Variants in USP6 observed in about 807,000 individuals in gnomAD.
USP6 encodes the protein ubiquitin carboxyl-terminal hydrolase 6.
A neutral mutation model predicts 175.7 loss-of-function variants in USP6; 128 were observed. That is an observed-to-expected ratio of 0.73 (90% CI 0.63 to 0.84). USP6 has a LOEUF of 0.84. Ranked by LOEUF, USP6 falls within the 40% of genes least tolerant of loss-of-function variation. The pLI is 0.00. For synonymous variants in USP6, 562 were observed against 630.6 expected (o/e 0.89, Z 1.63); for missense variants, 1,498 against 1,760.3 (o/e 0.85, Z 2.67).
chr17:5,162,571 T>C (rs1052485144), intron 32 of USP6, among the ~76,000 whole-genome samples: 4 of 152,238 alleles, frequency 2.6e-5, no homozygotes, highest in Admixed American at 1.3e-4. Flanking sequence ...TCTTGCATGC[T>C]GTAGTATCTC....
At chr17:5,119,046 G>T (rs1181428288) in intron 2 of USP6, among the ~76,000 whole-genome samples, 1 of 152,140 alleles carries the variant, frequency 6.6e-6, no homozygotes, top group Admixed American at 6.5e-5. Context: ...TTTCACTGGG[G>T]GCCTGCCACA....
rs544037027 is a variant in USP6, at chr17:5,139,783, C to T, written c.1498+109C>T. On this transcript the variant is annotated intron_variant, in intron 22 of 37. Transcript: ENST00000574788. ...GGGATACCTCCTTTGCAGCTAGGGA[C>T]GAGCAGCAGTGCGCTCCCACTTCAG... is the stretch of plus-strand genomic sequence containing the variant. The T allele has an allele frequency of 4.8e-4, 767 of 1,595,376 alleles. 4 individuals carry two copies. The highest frequency in any genetic ancestry group is 1.7e-4 in the African/African-American group (13 of 74,906).
intron 36 of USP6, 149 bp downstream of exon 36, chr17:5,171,064 A>C: frequency 2.8e-6 from 3 of 1,063,508 alleles, no homozygotes; most frequent in Non-Finnish European, 4.1e-6. Flanking sequence ...ATCTGGGCTC[A>C]CAGATGTGGT....
intron 6 of USP6, among the ~76,000 whole-genome samples, chr17:5,127,266 G>T (rs1428290851): frequency 6.6e-6 from 1 of 152,176 alleles, no homozygotes; most frequent in African/African-American, 2.4e-5. Flanking sequence ...CCCCTCTGCA[G>T]GCTGACAAAC....
At chr17:5,135,183 C>G in intron 15 of USP6, 51 bp from the exon 16 acceptor site, 2 of 1,590,954 alleles carry the variant, frequency 1.3e-6, no homozygotes, top group Non-Finnish European at 1.7e-6. Flanking sequence ...CAAAGTGAAA[C>G]TAACAGCATC....
At chr17:5,137,786 C>A in intron 20 of USP6, 36 bp downstream of exon 20, 1 of 1,603,860 alleles carries the variant, frequency 6.2e-7, no homozygotes, top group Non-Finnish European at 8.5e-7. Context: ...CCTGGGGAGC[C>A]CTGCAGTCAG....
At chr17:5,165,646 C>G (rs1223196313) in intron 33 of USP6, among the ~76,000 whole-genome samples, 1 of 152,050 alleles carries the variant, frequency 6.6e-6, no homozygotes, top group Non-Finnish European at 1.5e-5. Context: ...ATTCTTAGGC[C>G]TCTCTCTTTA....
At chr17:5,163,913 G>C (rs1425685876) in intron 33 of USP6, among the ~76,000 whole-genome samples, 2 of 152,170 alleles carry the variant, frequency 1.3e-5, no homozygotes, top group African/African-American at 4.8e-5. Flanking sequence ...TATTGTCGCT[G>C]TCTGGCCAGA....
intron 15 of USP6, chr17:5,134,964 C>G: frequency 2.4e-6 from 1 of 409,406 alleles, no homozygotes; most frequent in South Asian, 2.1e-5. Flanking sequence ...AACTGTGCAC[C>G]CAAAGACTGA....
At chr17:5,142,167 C>T (rs2073466954) in intron 24 of USP6, 26 bp downstream of exon 24, 1 of 1,602,486 alleles carries the variant, frequency 6.2e-7, no homozygotes, top group Non-Finnish European at 8.5e-7. Flanking sequence ...TCACTGGCCT[C>T]TTAACCTGTG....
chr17:5,155,434 CT>C lies in USP6; in HGVS notation c.2657del (p.Leu886ArgfsTer18). ...AVHRKMMRTE[L>X]YFLSPQENRP... ...TTTGTACATACAGATGAGGACAGAACTGTATTTCCTGTCACCTCAGGAGAAT... is the reference window on the plus strand; with the variant it reads ...TTTGTACATACAGATGAGGACAGAACGTATTTCCTGTCACCTCAGGAGAAT... On this transcript the variant is annotated frameshift_variant, in exon 31 of 38. Coordinates refer to ENST00000574788, the MANE Select transcript of USP6 (RefSeq NM_001304284.2). LOFTEE classifies it high-confidence loss of function. 1 of 1,614,030 alleles carries C rather than the reference CT, an allele frequency of 6.2e-7. No individual in the cohort carries two copies. Among genetic ancestry groups the C allele is most frequent in the Non-Finnish European group, 8.5e-7 (1 of 1,179,924 alleles).
intron 29 of USP6, among the ~76,000 whole-genome samples, chr17:5,148,278 TG>T (rs1211305263): frequency 2.0e-5 from 3 of 152,246 alleles, no homozygotes; most frequent in Non-Finnish European, 4.4e-5. Flanking sequence ...TAGAACTGTT[TG>T]TGTGCTACAA....
chr17:5,149,765 A>G (rs1326677673), intron 30 of USP6, among the ~76,000 whole-genome samples: 4 of 151,900 alleles, frequency 2.6e-5, no homozygotes, highest in Non-Finnish European at 5.9e-5. Context: ...TCCTTTCTTG[A>G]TAGTCTAATA....
Position 5,130,686 on chromosome 17 carries a change from T to C in USP6, c.155+2T>C. 6.2e-7 allele frequency: 1 copy of C among 1,613,918 alleles called. No homozygotes were observed. Among genetic ancestry groups the C allele is most frequent in the Non-Finnish European group, 8.5e-7 (1 of 1,179,788 alleles). ...CATTGATCGTTTTGGCATTTTGCAGTGAGTCATCCTCTATGCTCCCCTCAC... is the reference window on the plus strand; with the variant it reads ...CATTGATCGTTTTGGCATTTTGCAGCGAGTCATCCTCTATGCTCCCCTCAC... On this transcript the variant is annotated splice_donor_variant, in intron 11 of 37. Transcript: ENST00000574788. LOFTEE classifies it high-confidence loss of function.
rs1164481591 is a variant in USP6 at position 5,174,921 on chromosome 17, A to G, written c.*1943A>G. The G allele has an allele frequency of 5.2e-6, 1 of 190,958 alleles. No homozygotes were observed. The highest frequency in any genetic ancestry group is 2.3e-5 in the African/African-American group (1 of 42,918). 11.8% of individuals were successfully genotyped at this position (190,958 alleles called of 1,614,324 possible). ...ATGAACTGTATCAAAAGTATTGGTA[A>G]TTGTATATGGGGTGTACCTGTTTAT... On this transcript the variant is annotated 3_prime_UTR_variant, in exon 38 of 38. Coordinates refer to ENST00000574788, the MANE Select transcript of USP6 (RefSeq NM_001304284.2).
intron 10 of USP6, 29 bp downstream of exon 10, chr17:5,130,468 G>C (rs2073029762): frequency 4.3e-6 from 7 of 1,613,778 alleles, no homozygotes; most frequent in Middle Eastern, 3.3e-4. Context: ...CTTGGAGGGA[G>C]GCCTCTTCCA....
At chr17:5,119,704 A>T (rs1318682740) in intron 2 of USP6, among the ~76,000 whole-genome samples, 1 of 152,170 alleles carries the variant, frequency 6.6e-6, no homozygotes, top group African/African-American at 2.4e-5. Flanking sequence ...AGAACACACA[A>T]TGCTAATTAT....
At chr17:5,170,040 G>GA (rs1415922575) in intron 35 of USP6, among the ~76,000 whole-genome samples, 1 of 152,204 alleles carries the variant, frequency 6.6e-6, no homozygotes, top group East Asian at 1.9e-4. Flanking sequence ...GGATTTTTGT[G>GA]AGACACAGAG....
intron 7 of USP6, among the ~76,000 whole-genome samples, chr17:5,127,968 C>G (rs1206036879): frequency 1.3e-5 from 2 of 152,160 alleles, no homozygotes; most frequent in Non-Finnish European, 2.9e-5. Context: ...TGCAGAGCTC[C>G]CAGATACGAG....
Sources: allele counts gnomAD v4.1 joint callset (sites outside exome capture counted in the v4.1 genomes callset), GRCh38; gene constraint gnomAD v4.1.1; transcripts MANE v1.5; gene names NCBI Gene and HGNC (gene_info 2026-07-23, HGNC 2026-07-21).